Variants in ARSK observed in about 807,000 individuals in gnomAD.
The protein encoded by ARSK is arylsulfatase family member K.
A neutral mutation model predicts 53.2 loss-of-function variants in ARSK; 37 were observed. That is an observed-to-expected ratio of 0.70 (90% CI 0.54 to 0.92). The LOEUF (loss-of-function observed/expected upper bound fraction) is 0.92. ARSK is among the 40% of genes least tolerant of loss of function. The probability of loss-of-function intolerance (pLI) is 0.00; values close to 1 mark genes in which losing one functional copy is unlikely to be tolerated. For missense variants in ARSK, 613 were observed against 643.0 expected (o/e 0.95, Z 0.51); for synonymous variants, 208 against 223.2 (o/e 0.93, Z 0.61).
At chr5:95,570,313 C>T (rs557421485) in intron 3 of ARSK, among the ~76,000 whole-genome samples, 2 of 152,338 alleles carry the variant, frequency 1.3e-5, no homozygotes, top group East Asian at 3.9e-4. Context: ...CCTTAATATG[C>T]TTTTCACTAC....
At chr5:95,571,763 G>A (rs544361717) in intron 3 of ARSK, among the ~76,000 whole-genome samples, 16 of 152,268 alleles carry the variant, frequency 1.1e-4, no homozygotes, top group African/African-American at 2.9e-4. Flanking sequence ...TTTTATGAGC[G>A]CTGTATGTAC....
chr5:95,577,867 A>C (rs1174216381), intron 3 of ARSK, among the ~76,000 whole-genome samples: 1 of 152,238 alleles, frequency 6.6e-6, no homozygotes, highest in African/African-American at 2.4e-5. Flanking sequence ...TCATATTTGC[A>C]AAGAAATGCA....
At chr5:95,567,228 T>G (rs1748739354) in intron 2 of ARSK, among the ~76,000 whole-genome samples, 1 of 152,090 alleles carries the variant, frequency 6.6e-6, no homozygotes, top group Non-Finnish European at 1.5e-5. Flanking sequence ...TTTTGAAGAG[T>G]AAGCAAGGTC....
intron 3 of ARSK, among the ~76,000 whole-genome samples, chr5:95,572,633 C>T (rs865986330): frequency 2.0e-5 from 3 of 152,154 alleles, no homozygotes; most frequent in African/African-American, 7.2e-5. Flanking sequence ...AAAAAATTAG[C>T]CGGGCGTGGT....
At position 95,604,963 on chromosome 5, in the gene ARSK, T is replaced by C. The variant is rs1012961478; in HGVS notation, c.*1437T>C. ...GACTTTGTTCTGGTATTTTTTGATA[T>C]GTAGAAATTTTTATTTTCATGTAAG... On this transcript the variant is annotated 3_prime_UTR_variant, in exon 8 of 8. Transcript: ENST00000380009. The C allele has an allele frequency of 3.9e-5, 6 of 152,256 alleles. No individual in the cohort carries two copies. The highest frequency in any genetic ancestry group is 1.2e-4 in the African/African-American group (5 of 41,466). 9.4% of individuals were successfully genotyped at this position (152,256 alleles called of 1,614,324 possible).
chr5:95,598,079 T>C (rs1023064842), intron 6 of ARSK, among the ~76,000 whole-genome samples: 1 of 152,218 alleles, frequency 6.6e-6, no homozygotes, highest in African/African-American at 2.4e-5. Context: ...CATTATGTAC[T>C]GATATGGTCA....
intron 5 of ARSK, among the ~76,000 whole-genome samples, chr5:95,588,288 G>A (rs562211491): frequency 3.1e-4 from 46 of 150,050 alleles, no homozygotes; most frequent in South Asian, 6.3e-4. Context: ...CCAGGCTGGA[G>A]TGCAGTGGCG....
chr5:95,563,973 CTTTTTTTTTT>C (rs70978189), intron 1 of ARSK, among the ~76,000 whole-genome samples: 21 of 123,960 alleles, frequency 1.7e-4, no homozygotes, highest in African/African-American at 6.3e-4. Context: ...GGGCTATGCA[CTTTTTTTTTT>C]TTTTTTTTTT....
intron 6 of ARSK, among the ~76,000 whole-genome samples, chr5:95,597,905 G>GT (rs1749340270): frequency 8.7e-6 from 1 of 114,684 alleles, no homozygotes; most frequent in South Asian, 3.1e-4. Flanking sequence ...AAAAAAAAAA[G>GT]TGGGGGGCGG....
intron 3 of ARSK, among the ~76,000 whole-genome samples, chr5:95,571,682 C>A (rs958256845): frequency 6.6e-6 from 1 of 152,136 alleles, no homozygotes; most frequent in Admixed American, 6.5e-5. Flanking sequence ...GCAATACTTG[C>A]TTAAAGCATG....
Position 95,591,396 on chromosome 5 carries a change from T to C in ARSK, c.872-5T>C, listed in dbSNP as rs772858297. On this transcript the variant is annotated splice_polypyrimidine_tract_variant and splice_region_variant and intron_variant, in intron 5 of 7. Coordinates refer to ENST00000380009, the MANE Select transcript of ARSK (RefSeq NM_198150.3). ...TTAATCGGTTTATCATGATTTCTATTGTAGGTGAAATTATTTTGGCCCTTC... is the reference window on the plus strand; with the variant it reads ...TTAATCGGTTTATCATGATTTCTATCGTAGGTGAAATTATTTTGGCCCTTC... 6 of 1,596,868 alleles carry C rather than the reference T, an allele frequency of 3.8e-6. No homozygotes were observed. The highest frequency in any genetic ancestry group is 5.2e-6 in the Non-Finnish European group (6 of 1,164,382).
chr5:95,595,546 C>T (rs1257700205), intron 6 of ARSK, among the ~76,000 whole-genome samples: 1 of 152,136 alleles, frequency 6.6e-6, no homozygotes, highest in East Asian at 1.9e-4. Flanking sequence ...AGGCCATTAT[C>T]CTAAGCAAAT....
At chr5:95,587,038 G>C (rs2112437125) in intron 5 of ARSK, among the ~76,000 whole-genome samples, 1 of 152,224 alleles carries the variant, frequency 6.6e-6, no homozygotes, top group East Asian at 1.9e-4. Flanking sequence ...ATTCAGCCAA[G>C]CACAGGTACA....
rs371440939 is a variant in ARSK, at chr5:95,567,925, T to G, written c.292T>G (p.Ser98Ala). The G allele has an allele frequency of 6.2e-7, 1 of 1,612,454 alleles. No individual in the cohort carries two copies. The highest frequency in any genetic ancestry group is 1.7e-5 in the Admixed American group (1 of 59,846). ...WSGLFTHLTE[S>A]WNNFKGLDPN... is the part of the protein sequence containing the mutation. ...TGGCCTCTTCACTCACTTAACAGAA[T>G]CTTGGAATAATTTTAAGGGTCTAGA... The change falls in exon 3 of 8, where the codon TCT becomes GCT. Residue 98 changes from serine to alanine, a missense_variant. Coordinates refer to ENST00000380009, the MANE Select transcript of ARSK (RefSeq NM_198150.3).
At chr5:95,602,676 A>T (rs1156556516) in intron 7 of ARSK, among the ~76,000 whole-genome samples, 1 of 152,200 alleles carries the variant, frequency 6.6e-6, no homozygotes, top group African/African-American at 2.4e-5. Flanking sequence ...AATATTTATC[A>T]TTATTTTCTT....
At chr5:95,565,922 T>C in intron 1 of ARSK, 76 bp from the exon 2 acceptor site, 1 of 1,377,976 alleles carries the variant, frequency 7.3e-7, no homozygotes, top group Non-Finnish European at 9.8e-7. Flanking sequence ...TCTGCTATTG[T>C]AAATTTTATG....
intron 3 of ARSK, among the ~76,000 whole-genome samples, chr5:95,578,467 G>A (rs76099747): frequency 0.18 from 27,178 of 151,796 alleles, 3,572 homozygotes; most frequent in African/African-American, 0.37. Context: ...CCAGAAAAGA[G>A]CATTTAATGG....
chr5:95,588,994 A>G (rs757521317), intron 5 of ARSK, among the ~76,000 whole-genome samples: 1 of 152,056 alleles, frequency 6.6e-6, no homozygotes, highest in African/African-American at 2.4e-5. Flanking sequence ...ATTAAAGACA[A>G]TCTAGTGTCT....
chr5:95,568,161 T>G, intron 3 of ARSK, 112 bp downstream of exon 3: 7 of 1,170,940 alleles, frequency 6.0e-6, no homozygotes, highest in Non-Finnish European at 8.2e-6. Context: ...AGTAAATCTC[T>G]TAATCCCTTC....
Sources: gnomAD v4.1 joint callset for allele counts (sites outside exome capture counted in the v4.1 genomes callset) on GRCh38, gnomAD v4.1.1 for gene constraint, MANE v1.5 for transcripts, NCBI Gene and HGNC (gene_info 2026-07-23, HGNC 2026-07-21) for gene names.